SPATA3: variants seen among roughly 807,000 people sequenced by gnomAD.
SPATA3 encodes spermatogenesis-associated protein 3.
A neutral mutation model predicts 5.7 loss-of-function variants in SPATA3; 6 were observed. That is an observed-to-expected ratio of 1.06 (90% CI 0.58 to 2.09). SPATA3 has a LOEUF of 2.09. Ranked by LOEUF, SPATA3 falls within the 30% of genes most tolerant of loss-of-function variation. The probability of loss-of-function intolerance (pLI) is 0.00; values close to 1 mark genes in which losing one functional copy is unlikely to be tolerated. For synonymous variants in SPATA3, 44 were observed against 48.4 expected, an observed-to-expected ratio of 0.91 and a Z score of 0.37; for missense variants, 155 against 130.4, an observed-to-expected ratio of 1.19 and a Z score of -0.92.
downstream of SPATA3, among the ~76,000 whole-genome samples, chr2:231,011,149 G>C (rs1692777963): frequency 2.0e-5 from 3 of 149,132 alleles, no homozygotes; most frequent in South Asian, 6.4e-4. Context: ...TTATTTATTT[G>C]AGGCAGTCTT....
chr2:231,019,109 G>A (rs1389520395), intron 6 of SPATA3, among the ~76,000 whole-genome samples: 1 of 146,638 alleles, frequency 6.8e-6, no homozygotes, highest in Non-Finnish European at 1.5e-5. Flanking sequence ...TGCGACTACA[G>A]GCGCCCGCCA....
chr2:231,005,074 C>CTT, downstream of SPATA3, among the ~76,000 whole-genome samples: 1 of 148,674 alleles, frequency 6.7e-6, no homozygotes, highest in Non-Finnish European at 1.5e-5. Flanking sequence ...TCATCACCAC[C>CTT]ACCATCATCA....
intron 1 of SPATA3, among the ~76,000 whole-genome samples, chr2:230,997,847 C>T (rs766484050): frequency 2.6e-5 from 4 of 152,176 alleles, no homozygotes; most frequent in Admixed American, 6.5e-5. Flanking sequence ...TTACTGTGTA[C>T]CTAGCATTCA....
chr2:231,010,453 C>T (rs975749281), downstream of SPATA3, among the ~76,000 whole-genome samples: 2 of 152,218 alleles, frequency 1.3e-5, no homozygotes, highest in African/African-American at 4.8e-5. Flanking sequence ...GGTCTTATGA[C>T]TGACTGCAAA....
downstream of SPATA3, among the ~76,000 whole-genome samples, chr2:231,003,519 T>G (rs775569505): frequency 6.6e-6 from 1 of 152,172 alleles, no homozygotes; most frequent in Non-Finnish European, 1.5e-5. Flanking sequence ...AGCTTGACCC[T>G]GTGGGAGCCC....
downstream of SPATA3, among the ~76,000 whole-genome samples, chr2:231,009,740 G>A (rs917426090): frequency 1.3e-5 from 2 of 152,214 alleles, no homozygotes; most frequent in African/African-American, 4.8e-5. Context: ...CTACTCTGTG[G>A]TTAGGTCCTG....
downstream of SPATA3, among the ~76,000 whole-genome samples, chr2:231,009,754 G>A (rs545679022): frequency 2.6e-4 from 40 of 152,286 alleles, 1 homozygote; most frequent in South Asian, 5.4e-3. Context: ...GGTCCTGGAG[G>A]CAGAGAGCAG....
At chr2:231,003,212 C>T (rs1368297231), downstream of SPATA3, among the ~76,000 whole-genome samples, 1 of 152,210 alleles carries the variant, frequency 6.6e-6, no homozygotes, top group African/African-American at 2.4e-5. Context: ...AAACCTTTCT[C>T]CATCTTCCCA....
At chr2:231,012,203 C>T (rs1692806177), downstream of SPATA3, among the ~76,000 whole-genome samples, 4 of 152,184 alleles carry the variant, frequency 2.6e-5, no homozygotes, top group Admixed American at 2.6e-4. Context: ...GCTCAGACTC[C>T]TCCAGGAGGG....
At chr2:231,008,032 G>A (rs1692687132), downstream of SPATA3, among the ~76,000 whole-genome samples, 1 of 152,104 alleles carries the variant, frequency 6.6e-6, no homozygotes, top group East Asian at 1.9e-4. Flanking sequence ...TAAAAAAAAG[G>A]AACCACCAAA....
At chr2:231,001,268 GC>G (rs1375653130) in intron 2 of SPATA3, among the ~76,000 whole-genome samples, 1 of 152,122 alleles carries the variant, frequency 6.6e-6, no homozygotes, top group Non-Finnish European at 1.5e-5. Context: ...ACGTTTGGGC[GC>G]TGCTAGGTTA....
rs139266551 is a variant in SPATA3, at chr2:231,013,682, G to A, written c.*227-192G>A. 5.1e-4 allele frequency among the ~76,000 whole-genome samples: 78 copies of A among 152,132 alleles called. 1 individual carries two copies. In the East Asian group the frequency reaches 0.014, roughly 28 times the overall value. On this transcript the variant is annotated intron_variant, in intron 5 of 8. Transcript: ENST00000452881. ...ATTTTGTATTTTCAGTAGAGACGGG[G>A]CTTCACCGTGTTGGTCAGTCTGGTC... is the stretch of plus-strand genomic sequence containing the variant.
chr2:231,009,242 C>T (rs1692718270), downstream of SPATA3, among the ~76,000 whole-genome samples: 1 of 152,212 alleles, frequency 6.6e-6, no homozygotes, highest in Non-Finnish European at 1.5e-5. Context: ...CATCCAGGAC[C>T]TGTGCTCTCC....
chr2:231,016,169 A>G (rs1692929724), intron 6 of SPATA3, among the ~76,000 whole-genome samples: 1 of 151,858 alleles, frequency 6.6e-6, no homozygotes, highest in African/African-American at 2.4e-5. Flanking sequence ...ACTGTTGTTC[A>G]CCAGAAGCTC....
downstream of SPATA3, chr2:231,007,115 C>T (rs2125114664): frequency 1.3e-5 from 2 of 152,280 alleles, no homozygotes; most frequent in South Asian, 4.2e-4. Context: ...AGGATCACAG[C>T]TGCTGAAGCC....
At chr2:231,011,079 A>AAAAAAAAAAAG (rs1692771564), downstream of SPATA3, among the ~76,000 whole-genome samples, 1 of 145,374 alleles carries the variant, frequency 6.9e-6, no homozygotes, top group Non-Finnish European at 1.5e-5. Flanking sequence ...TCTCAAAAAA[A>AAAAAAAAAAAG]AAAAAAAAAA....
intron 2 of SPATA3, among the ~76,000 whole-genome samples, chr2:231,001,719 T>C (rs1249620219): frequency 6.6e-6 from 1 of 152,188 alleles, no homozygotes; most frequent in Non-Finnish European, 1.5e-5. Flanking sequence ...GCAGAGGACA[T>C]GGGGCACTGT....
intron 6 of SPATA3, among the ~76,000 whole-genome samples, chr2:231,016,756 TAGGGGGCCC>T (rs1182512528): frequency 5.9e-5 from 9 of 152,116 alleles, no homozygotes; most frequent in African/African-American, 1.4e-4. Context: ...CCAGGCCTTC[TAGGGGGCCC>T]CTCCCACCCC....
Position 230,996,542 on chromosome 2 carries a change from G to A in SPATA3, c.791-3824G>A, listed in dbSNP as rs1429872245. ...CTCAATCCAGGAAAGCAGGTGGGCTGTCTTCTAGCTTCAGCAGTTCCAGCC... is the reference window on the plus strand; with the variant it reads ...CTCAATCCAGGAAAGCAGGTGGGCTATCTTCTAGCTTCAGCAGTTCCAGCC... On this transcript the variant is annotated intron_variant, in intron 1 of 2. Transcript: ENST00000645363. 3 of 1,551,058 alleles carry A rather than the reference G, an allele frequency of 1.9e-6. No homozygotes were observed. Among genetic ancestry groups the A allele is most frequent in the Non-Finnish European group, 1.7e-6 (2 of 1,146,646 alleles).
Sources: allele counts gnomAD v4.1 joint callset (sites outside exome capture counted in the v4.1 genomes callset), GRCh38; gene constraint gnomAD v4.1.1; transcripts MANE v1.5; gene names NCBI Gene and HGNC (gene_info 2026-07-23, HGNC 2026-07-21).